PPARGC1A: variants seen among roughly 807,000 people sequenced by gnomAD.
PPARGC1A encodes the protein peroxisome proliferator-activated receptor gamma coactivator 1-alpha.
A neutral mutation model predicts 88.7 loss-of-function variants in PPARGC1A; 25 were observed. That is an observed-to-expected ratio of 0.28 (90% CI 0.21 to 0.39). The LOEUF is 0.39. Among genes scored for constraint, PPARGC1A ranks in the 10% least tolerant of loss-of-function variants. PPARGC1A has a pLI of 1.00. For synonymous variants in PPARGC1A, 363 were observed against 355.6 expected, an observed-to-expected ratio of 1.02 and a Z score of -0.24; for missense variants, 880 against 968.7, an observed-to-expected ratio of 0.91 and a Z score of 1.22.
At chr4:24,286,934 T>C in the PPARGC1A span, among the ~76,000 whole-genome samples, 7 of 152,222 alleles carry the variant, frequency 4.6e-5, no homozygotes, top group African/African-American at 1.7e-4. Flanking sequence ...GCATGGCAAC[T>C]GGCTTCCCCA....
At chr4:23,823,122 T>TA (rs3834209) in intron 7 of PPARGC1A, among the ~76,000 whole-genome samples, 124,503 of 150,424 alleles carry the variant, frequency 0.83, 51,643 homozygotes, top group African/African-American at 0.87. Context: ...AATATTCCTG[T>TA]AAAAAAAAAC....
At chr4:24,033,392 C>T in the PPARGC1A span, among the ~76,000 whole-genome samples, 1 of 139,642 alleles carries the variant, frequency 7.2e-6, no homozygotes, top group African/African-American at 2.9e-5. Flanking sequence ...TAAACAGATA[C>T]ATAGATGTAG....
At chr4:23,921,625 G>C in the PPARGC1A span, among the ~76,000 whole-genome samples, 1 of 152,232 alleles carries the variant, frequency 6.6e-6, no homozygotes, top group African/African-American at 2.4e-5. Context: ...GGTGGGAGGG[G>C]AGGGGTTAAC....
the PPARGC1A span, among the ~76,000 whole-genome samples, chr4:24,223,328 C>T: frequency 1.3e-5 from 2 of 149,028 alleles, no homozygotes; most frequent in Non-Finnish European, 3.0e-5. Flanking sequence ...CAGCCAACTG[C>T]AACCTCTGCC....
chr4:24,096,872 C>T, the PPARGC1A span, among the ~76,000 whole-genome samples: 108 of 152,162 alleles, frequency 7.1e-4, no homozygotes, highest in East Asian at 0.02. Context: ...ATACGAAAAA[C>T]CTATACAAAG....
At chr4:23,913,250 AT>A in the PPARGC1A span, among the ~76,000 whole-genome samples, 1 of 40,046 alleles carries the variant, frequency 2.5e-5, no homozygotes, top group Non-Finnish European at 4.7e-5. Flanking sequence ...TTTTATATAT[AT>A]ATATATATAT....
the PPARGC1A span, among the ~76,000 whole-genome samples, chr4:23,923,532 G>A: frequency 6.6e-6 from 1 of 151,916 alleles, no homozygotes; most frequent in African/African-American, 2.4e-5. Flanking sequence ...ACAAGTCTGT[G>A]GAGAAACTAC....
chr4:24,216,991 G>A, the PPARGC1A span, among the ~76,000 whole-genome samples: 6 of 152,290 alleles, frequency 3.9e-5, no homozygotes, highest in Admixed American at 1.3e-4. Context: ...ACACATAGTA[G>A]GTCATCACTA....
chr4:24,231,992 A>G, the PPARGC1A span, among the ~76,000 whole-genome samples: 1 of 152,320 alleles, frequency 6.6e-6, no homozygotes, highest in Non-Finnish European at 1.5e-5. Flanking sequence ...AATTCACACA[A>G]AATGGTATAC....
chr4:24,007,674 G>A, the PPARGC1A span, among the ~76,000 whole-genome samples: 4 of 152,150 alleles, frequency 2.6e-5, no homozygotes, highest in African/African-American at 7.2e-5. Context: ...AACATGGGAG[G>A]CACAGATGTG....
intron 7 of PPARGC1A, among the ~76,000 whole-genome samples, chr4:23,822,779 C>T (rs1169227801): frequency 6.6e-6 from 1 of 152,018 alleles, no homozygotes; most frequent in Non-Finnish European, 1.5e-5. Flanking sequence ...ACCTTCTAGC[C>T]TCATTCAGCA....
chr4:24,357,127 C>A, the PPARGC1A span, among the ~76,000 whole-genome samples: 1 of 152,188 alleles, frequency 6.6e-6, no homozygotes, highest in Non-Finnish European at 1.5e-5. Flanking sequence ...GTTCAGGTGC[C>A]ATAGCAGGGA....
At chr4:24,027,733 G>A in the PPARGC1A span, among the ~76,000 whole-genome samples, 3 of 152,096 alleles carry the variant, frequency 2.0e-5, no homozygotes. Flanking sequence ...CATGTCACAG[G>A]TGCGAAGGAA....
At chr4:23,824,549 G>T in intron 5 of PPARGC1A, 41 bp from the exon 6 acceptor site, 2 of 1,497,060 alleles carry the variant, frequency 1.3e-6, no homozygotes, top group Non-Finnish European at 1.8e-6. Flanking sequence ...AATATTGAGT[G>T]TCTTTTAGAT....
the PPARGC1A span, among the ~76,000 whole-genome samples, chr4:24,070,744 AT>A: frequency 6.6e-6 from 1 of 152,194 alleles, no homozygotes; most frequent in Non-Finnish European, 1.5e-5. Context: ...GCAAAGAATG[AT>A]TTTTAAATTT....
intron 2 of PPARGC1A, among the ~76,000 whole-genome samples, chr4:23,880,448 A>G (rs532536504): frequency 6.6e-6 from 1 of 152,184 alleles, no homozygotes; most frequent in East Asian, 1.9e-4. Context: ...TTCTGAGAAA[A>G]TATCTAGAAA....
chr4:24,059,957 G>A, the PPARGC1A span, among the ~76,000 whole-genome samples: 91 of 152,156 alleles, frequency 6.0e-4, no homozygotes, highest in Non-Finnish European at 8.8e-4. Context: ...TTTTGGAGTC[G>A]CCTTTCTGCG....
At chr4:23,951,931 T>C in the PPARGC1A span, among the ~76,000 whole-genome samples, 2 of 152,172 alleles carry the variant, frequency 1.3e-5, no homozygotes, top group Non-Finnish European at 2.9e-5. Flanking sequence ...GTTGTTCATC[T>C]GGAAAGTGTC....
intron 2 of PPARGC1A, among the ~76,000 whole-genome samples, chr4:23,844,423 T>C (rs1347421791): frequency 1.6e-5 from 2 of 128,280 alleles, no homozygotes; most frequent in African/African-American, 5.9e-5. Flanking sequence ...ATATATAATA[T>C]ATTATATATA....
Sources: allele counts gnomAD v4.1 joint callset (sites outside exome capture counted in the v4.1 genomes callset), GRCh38; gene constraint gnomAD v4.1.1; transcripts MANE v1.5; gene names NCBI Gene and HGNC (gene_info 2026-07-23, HGNC 2026-07-21).